The following DCLK1 variants were observed in gnomAD, a reference collection of about 807,000 sequenced individuals.
The protein encoded by DCLK1 is doublecortin like kinase 1, also known as serine/threonine-protein kinase DCLK1.
DCLK1 carries 16 observed loss-of-function variants against 86.2 expected under a neutral mutation model. That is an observed-to-expected ratio of 0.19 (90% confidence interval 0.13 to 0.28). The LOEUF is 0.28. Among genes scored for constraint, DCLK1 ranks in the 10% least tolerant of loss-of-function variants. DCLK1 has a pLI of 1.00. For missense variants in DCLK1, 590 were observed against 940.2 expected (o/e 0.63, Z 4.87); for synonymous variants, 369 against 370.5 (o/e 1.00, Z 0.05).
chr13:35,867,345 T>G (rs143873726), intron 5 of DCLK1, among the ~76,000 whole-genome samples: 1 of 152,260 alleles, frequency 6.6e-6, no homozygotes, highest in East Asian at 1.9e-4. Context: ...GACCTAGAAG[T>G]TAAAGTGCTA....
chr13:36,053,568 A>G (rs1883197357), intron 3 of DCLK1, among the ~76,000 whole-genome samples: 1 of 152,098 alleles, frequency 6.6e-6, no homozygotes. Context: ...GATTTTAGAG[A>G]AAGGAGACAT....
chr13:35,775,905 C>T (rs1182214293), intron 16 of DCLK1, among the ~76,000 whole-genome samples: 1 of 152,068 alleles, frequency 6.6e-6, no homozygotes, highest in African/African-American at 2.4e-5. Flanking sequence ...ATCAAAGTTC[C>T]AAAATGAAGT....
intron 8 of DCLK1, among the ~76,000 whole-genome samples, chr13:35,830,464 T>C (rs1868864799): frequency 6.6e-6 from 1 of 152,206 alleles, no homozygotes; most frequent in Non-Finnish European, 1.5e-5. Context: ...GTAGAAGCTC[T>C]ATATCCTATA....
chr13:35,900,835 T>C (rs1874309392), intron 4 of DCLK1, among the ~76,000 whole-genome samples: 2 of 152,120 alleles, frequency 1.3e-5, no homozygotes, highest in South Asian at 2.1e-4. Flanking sequence ...GGCCGGATTA[T>C]AGAATGTGGA....
intron 3 of DCLK1, among the ~76,000 whole-genome samples, chr13:36,092,123 T>C (rs376251690): frequency 1.3e-5 from 2 of 152,226 alleles, no homozygotes; most frequent in East Asian, 3.8e-4. Context: ...GCAGCTATGA[T>C]ACTGTTGACC....
intron 16 of DCLK1, among the ~76,000 whole-genome samples, chr13:35,793,075 A>G (rs1162749533): frequency 6.6e-6 from 1 of 152,178 alleles, no homozygotes. Flanking sequence ...TTGCATTGGC[A>G]CAGAGTCCAG....
intron 3 of DCLK1, among the ~76,000 whole-genome samples, chr13:36,090,637 C>G (rs906474603): frequency 2.6e-5 from 4 of 152,106 alleles, no homozygotes; most frequent in African/African-American, 7.2e-5. Context: ...GGAACTTCTG[C>G]AAGGGTCCAG....
At chr13:36,098,971 ATTTT>A (rs34423920) in intron 3 of DCLK1, among the ~76,000 whole-genome samples, 1 of 144,748 alleles carries the variant, frequency 6.9e-6, no homozygotes, top group African/African-American at 2.5e-5. Context: ...TATTATTTGG[ATTTT>A]TTTTTTTTTT....
intron 3 of DCLK1, among the ~76,000 whole-genome samples, chr13:35,964,510 C>T (rs1878626033): frequency 6.6e-6 from 1 of 152,186 alleles, no homozygotes; most frequent in Admixed American, 6.5e-5. Context: ...TTCAGGAAGA[C>T]ATTAAATCAG....
chr13:35,840,418 G>A (rs1485493746), intron 6 of DCLK1, among the ~76,000 whole-genome samples: 4 of 152,098 alleles, frequency 2.6e-5, no homozygotes, highest in Non-Finnish European at 5.9e-5. Context: ...CGTTTTCCTG[G>A]GTGTGACTAA....
chr13:35,957,805 A>T (rs1878082074), intron 3 of DCLK1, among the ~76,000 whole-genome samples: 1 of 146,940 alleles, frequency 6.8e-6, no homozygotes, highest in South Asian at 2.1e-4. Flanking sequence ...TGAGATTAAA[A>T]GGCATTTTTT....
chr13:35,855,800 G>A (rs1032436742), intron 5 of DCLK1: 69 of 1,259,294 alleles, frequency 5.5e-5, no homozygotes, highest in African/African-American at 5.2e-4. Flanking sequence ...CCCCCATCCC[G>A]ACACCACTCC....
chr13:35,922,524 T>C (rs1249076072), intron 4 of DCLK1, among the ~76,000 whole-genome samples: 3 of 152,208 alleles, frequency 2.0e-5, no homozygotes, highest in Non-Finnish European at 4.4e-5. Context: ...ACAATGTAAC[T>C]GAAAACCTCT....
intron 11 of DCLK1, among the ~76,000 whole-genome samples, chr13:35,817,394 CA>C (rs934598862): frequency 2.0e-5 from 3 of 151,834 alleles, no homozygotes; most frequent in Non-Finnish European, 4.4e-5. Context: ...TAAACACCCC[CA>C]AAAAAAGGAT....
At chr13:36,008,138 A>AT (rs1881076830) in intron 3 of DCLK1, among the ~76,000 whole-genome samples, 10 of 116,428 alleles carry the variant, frequency 8.6e-5, no homozygotes, top group East Asian at 7.6e-4. Flanking sequence ...TTCTCTCTAA[A>AT]ATTTTTTTTT....
At chr13:36,041,083 A>G (rs1882687102) in intron 3 of DCLK1, among the ~76,000 whole-genome samples, 1 of 152,168 alleles carries the variant, frequency 6.6e-6, no homozygotes, top group African/African-American at 2.4e-5. Context: ...ATTAAACACC[A>G]AAATCCAGGT....
chr13:35,956,726 C>CA (rs374438405), intron 3 of DCLK1, among the ~76,000 whole-genome samples: 16 of 6,268 alleles, frequency 2.6e-3, no homozygotes, highest in African/African-American at 6.4e-3. Flanking sequence ...CAAAACAAAA[C>CA]AAAAAAAACA....
chr13:35,937,507 T>C (rs765505604), intron 4 of DCLK1, among the ~76,000 whole-genome samples: 4 of 152,052 alleles, frequency 2.6e-5, no homozygotes, highest in South Asian at 2.1e-4. Context: ...ACATGCTACA[T>C]TGGGATCTAG....
At chr13:35,935,953 C>T (rs1258001060) in intron 4 of DCLK1, among the ~76,000 whole-genome samples, 3 of 151,960 alleles carry the variant, frequency 2.0e-5, no homozygotes, top group East Asian at 3.9e-4. Flanking sequence ...ACCATCATTG[C>T]TAAAGCCATT....
Sources: allele counts gnomAD v4.1 joint callset (sites outside exome capture counted in the v4.1 genomes callset), GRCh38; gene constraint gnomAD v4.1.1; transcripts MANE v1.5; gene names NCBI Gene and HGNC (gene_info 2026-07-23, HGNC 2026-07-21).